The following PDE4D variants were observed in gnomAD, a reference collection of about 807,000 sequenced individuals.
PDE4D encodes phosphodiesterase 4D.
Under a neutral mutation model 87.4 loss-of-function variants are expected in PDE4D, and 24 were observed. That is an observed-to-expected ratio of 0.27 (90% CI 0.20 to 0.39). The LOEUF (loss-of-function observed/expected upper bound fraction) is 0.39. Ranked by LOEUF, PDE4D falls within the 10% of genes least tolerant of loss-of-function variation. The pLI, the probability that PDE4D is intolerant of heterozygous loss-of-function variation, is 1.00. For missense variants in PDE4D, 714 were observed against 1,041.0 expected (o/e 0.69, Z 4.32); for synonymous variants, 384 against 383.2 (o/e 1.00, Z -0.02).
At chr5:59,998,758 G>A (rs1164773411) in intron 2 of PDE4D, among the ~76,000 whole-genome samples, 1 of 152,062 alleles carries the variant, frequency 6.6e-6, no homozygotes, top group Admixed American at 6.6e-5. Flanking sequence ...AACCAAAAGT[G>A]TGGTACCTTC....
intron 2 of PDE4D, among the ~76,000 whole-genome samples, chr5:59,203,745 A>G (rs998046227): frequency 6.6e-6 from 1 of 152,242 alleles, no homozygotes; most frequent in Non-Finnish European, 1.5e-5. Flanking sequence ...CAGGCAAGAA[A>G]GATAAATACC....
At chr5:59,534,676 G>A (rs974070971) in intron 1 of PDE4D, among the ~76,000 whole-genome samples, 1 of 152,212 alleles carries the variant, frequency 6.6e-6, no homozygotes, top group African/African-American at 2.4e-5. Context: ...TTCCTGAGTA[G>A]AGGATTTTGG....
In PDE4D at chr5:59,153,695, C is replaced by T. The variant is rs150370369; in HGVS notation, c.808+26900G>A. On this transcript the variant is annotated intron_variant, in intron 5 of 14. Transcript: ENST00000340635. Reference sequence around the variant, plus strand: ...AAGTTGGCATGACAGTGCCCCAGAACCACACACTAGTACTATGTGTGGTTA... The same window carrying T: ...AAGTTGGCATGACAGTGCCCCAGAATCACACACTAGTACTATGTGTGGTTA... Among the ~76,000 whole-genome samples the T allele has an allele frequency of 2.6e-5, 4 of 152,112 alleles. No individual in the cohort carries two copies. The East Asian group carries it at 7.7e-4, about 29-fold the overall frequency.
chr5:60,150,511 T>C (rs1441672895), intron 2 of PDE4D, among the ~76,000 whole-genome samples: 2 of 152,138 alleles, frequency 1.3e-5, no homozygotes, highest in Non-Finnish European at 2.9e-5. Flanking sequence ...ATAGGTAATT[T>C]TTGTGTTTAA....
At chr5:60,340,469 T>A (rs1360885485) in intron 1 of PDE4D, among the ~76,000 whole-genome samples, 2 of 152,114 alleles carry the variant, frequency 1.3e-5, no homozygotes, top group African/African-American at 2.4e-5. Flanking sequence ...CTTTCATCCA[T>A]GACTAGGACA....
rs548383053 is a variant in PDE4D at position 59,535,439 on chromosome 5, G to A, written c.456-319471C>T. Among the ~76,000 whole-genome samples the A allele has an allele frequency of 8.5e-5, 13 of 152,272 alleles. No individual in the cohort carries two copies. In the South Asian group the frequency reaches 2.5e-3, roughly 29 times the overall value. On this transcript the variant is annotated intron_variant, in intron 1 of 14. Transcript: ENST00000340635. ...AATATAACTTTAATTTCATTCTGTT[G>A]ATTTGCCTAATAATCTGTTGTGATG...
intron 1 of PDE4D, among the ~76,000 whole-genome samples, chr5:59,612,856 G>A (rs1017644935): frequency 1.3e-5 from 2 of 152,136 alleles, no homozygotes; most frequent in African/African-American, 2.4e-5. Flanking sequence ...ATAGTTGTGG[G>A]AATGGAAGGA....
rs1329961860 is a variant in PDE4D at position 59,559,315 on chromosome 5, T to C, written c.455+333853A>G. Among the ~76,000 whole-genome samples, 3 of 152,192 alleles carry C rather than the reference T, an allele frequency of 2.0e-5. No individual in the cohort carries two copies. In the East Asian group the frequency reaches 5.8e-4, roughly 29 times the overall value. ...CTATAATAGTTTAACATACAACAGC[T>C]TGAAAATAGTATAATTCTTTCTTCA... On this transcript the variant is annotated intron_variant, in intron 1 of 14. Transcript: ENST00000340635.
At chr5:59,411,350 C>G (rs1397386912) in intron 1 of PDE4D, among the ~76,000 whole-genome samples, 2 of 152,156 alleles carry the variant, frequency 1.3e-5, no homozygotes, top group African/African-American at 2.4e-5. Flanking sequence ...TTATTGTCTT[C>G]TATTCTTTAC....
At chr5:58,978,891 A>G (rs1420760588) in intron 11 of PDE4D, among the ~76,000 whole-genome samples, 2 of 152,232 alleles carry the variant, frequency 1.3e-5, no homozygotes, top group South Asian at 4.1e-4. Flanking sequence ...TTAAAACTAT[A>G]TAGGTTCTTA....
intron 1 of PDE4D, among the ~76,000 whole-genome samples, chr5:59,696,734 C>T (rs1427885801): frequency 6.6e-6 from 1 of 152,168 alleles, no homozygotes; most frequent in Admixed American, 6.5e-5. Flanking sequence ...CAGTCTCATA[C>T]TTTAGTCAAA....
chr5:59,180,290 G>T, intron 5 of PDE4D: 1 of 527,462 alleles, frequency 1.9e-6, no homozygotes, highest in Non-Finnish European at 3.6e-6. Context: ...AGAATGGGAA[G>T]TGACTTGAAA....
chr5:59,430,127 T>C (rs1030660692), intron 1 of PDE4D, among the ~76,000 whole-genome samples: 1 of 152,198 alleles, frequency 6.6e-6, no homozygotes, highest in African/African-American at 2.4e-5. Context: ...CTAAACTATT[T>C]CCAGCTTTCC....
chr5:59,629,720 G>A (rs1254333393), intron 1 of PDE4D, among the ~76,000 whole-genome samples: 1 of 152,206 alleles, frequency 6.6e-6, no homozygotes, highest in Non-Finnish European at 1.5e-5. Flanking sequence ...TGATGAGGAA[G>A]CCATGCAAAT....
At chr5:59,958,880 T>C (rs932631011) in intron 3 of PDE4D, among the ~76,000 whole-genome samples, 2 of 152,026 alleles carry the variant, frequency 1.3e-5, no homozygotes, top group Non-Finnish European at 2.9e-5. Context: ...GGCACCCAAA[T>C]AGGAAAAGAG....
chr5:60,297,638 A>C (rs1384929909), intron 1 of PDE4D, among the ~76,000 whole-genome samples: 1 of 152,208 alleles, frequency 6.6e-6, no homozygotes, highest in Non-Finnish European at 1.5e-5. Context: ...ATCAAAACAC[A>C]GTTCCAATTA....
At chr5:60,519,921 G>T (rs1583978904) in intron 1 of PDE4D, among the ~76,000 whole-genome samples, 1 of 152,190 alleles carries the variant, frequency 6.6e-6, no homozygotes, top group African/African-American at 2.4e-5. Flanking sequence ...GTGAAAGAGT[G>T]AAATACTGAA....
At chr5:60,463,105 T>A (rs1166274259) in intron 1 of PDE4D, among the ~76,000 whole-genome samples, 1 of 151,920 alleles carries the variant, frequency 6.6e-6, no homozygotes, top group Non-Finnish European at 1.5e-5. Flanking sequence ...AGGTAGAAAA[T>A]CAAAGATAAA....
chr5:59,707,278 ATTCT>A (rs1561513516), intron 1 of PDE4D, among the ~76,000 whole-genome samples: 4 of 152,158 alleles, frequency 2.6e-5, no homozygotes, highest in Non-Finnish European at 5.9e-5. Context: ...TCGTGAATAA[ATTCT>A]TTAATGCAAC....
Sources: allele counts gnomAD v4.1 joint callset (sites outside exome capture counted in the v4.1 genomes callset), GRCh38; gene constraint gnomAD v4.1.1; transcripts MANE v1.5; gene names NCBI Gene and HGNC (gene_info 2026-07-23, HGNC 2026-07-21).